Variants in SEC11A observed in about 807,000 individuals in gnomAD.
SEC11A encodes SEC11 homolog A, signal peptidase complex subunit, also known as signal peptidase complex catalytic subunit SEC11A.
A neutral mutation model predicts 25.6 loss-of-function variants in SEC11A; 14 were observed. The ratio of observed to expected loss-of-function variants is 0.55; its 90% CI spans 0.36 to 0.85. The LOEUF is 0.85. SEC11A is among the 40% of genes least tolerant of loss of function. SEC11A has a pLI of 0.01. For synonymous variants in SEC11A, 83 were observed against 76.4 expected (o/e 1.09, Z -0.45); for missense variants, 153 against 222.9 (o/e 0.69, Z 2.00).
At chr15:84,692,964 G>A (rs1567039651) in intron 1 of SEC11A, among the ~76,000 whole-genome samples, 1 of 152,144 alleles carries the variant, frequency 6.6e-6, no homozygotes, top group Non-Finnish European at 1.5e-5. Context: ...TCCCACTTCA[G>A]CCTCCCGAGT....
chr15:84,705,213 C>T (rs1413705732), intron 1 of SEC11A, among the ~76,000 whole-genome samples: 1 of 152,234 alleles, frequency 6.6e-6, no homozygotes, highest in Non-Finnish European at 1.5e-5. Flanking sequence ...GCCTGAGCCA[C>T]TGAGCCCAGC....
chr15:84,681,651 C>T (rs1319263326), intron 3 of SEC11A, among the ~76,000 whole-genome samples: 1 of 152,020 alleles, frequency 6.6e-6, no homozygotes, highest in African/African-American at 2.4e-5. Flanking sequence ...AACAAAAAAA[C>T]AAGAGAGTAT....
intron 1 of SEC11A, among the ~76,000 whole-genome samples, chr15:84,714,238 T>C (rs1898386361): frequency 6.6e-6 from 1 of 152,074 alleles, no homozygotes; most frequent in South Asian, 2.1e-4. Flanking sequence ...ATGGTCTCAA[T>C]CTCTTGACAT....
At chr15:84,688,266 T>C (rs1050396054) in intron 2 of SEC11A, among the ~76,000 whole-genome samples, 4 of 152,088 alleles carry the variant, frequency 2.6e-5, no homozygotes, top group Admixed American at 6.6e-5. Flanking sequence ...GCTCATCAAG[T>C]CAAGGAACAG....
At chr15:84,676,338 T>C (rs1163242631) in intron 4 of SEC11A, among the ~76,000 whole-genome samples, 1 of 151,892 alleles carries the variant, frequency 6.6e-6, no homozygotes, top group Non-Finnish European at 1.5e-5. Flanking sequence ...TGGTGGCACA[T>C]GCCTGTAATC....
intron 4 of SEC11A, among the ~76,000 whole-genome samples, chr15:84,674,566 A>G (rs539004574): frequency 2.1e-5 from 3 of 143,320 alleles, no homozygotes; most frequent in African/African-American, 7.8e-5. Flanking sequence ...AAAAAAAAAA[A>G]TTTTTTTTTT....
Position 84,687,703 on chromosome 15 carries a change from C to T in SEC11A, c.233G>A (p.Arg78Gln), listed in dbSNP as rs897584597. The T allele has an allele frequency of 1.2e-6, 2 of 1,602,588 alleles. No individual in the cohort carries two copies. Among genetic ancestry groups the T allele is most frequent in the Admixed American group, 1.8e-5 (1 of 56,212 alleles). ...CCTAAAAACAACAATTTCTCCCACT[C>T]GTATGGGATCTTCAACTCGATTTGT... ...FLTNRVEDPI[R>Q]VGEIVVFRIE... Residue 78 changes from arginine to glutamine, a missense_variant, in exon 3 of 6, where the codon CGA (arginine) becomes CAA (glutamine). Coordinates refer to ENST00000268220, the MANE Select transcript of SEC11A (RefSeq NM_014300.4).
At chr15:84,688,237 T>C (rs1169958825) in intron 2 of SEC11A, among the ~76,000 whole-genome samples, 1 of 152,200 alleles carries the variant, frequency 6.6e-6, no homozygotes, top group Non-Finnish European at 1.5e-5. Context: ...TATGTTCAAC[T>C]CATTTAGAAG....
chr15:84,673,684 G>A (rs1421666698), intron 4 of SEC11A: 1 of 152,504 alleles, frequency 6.6e-6, no homozygotes, highest in Non-Finnish European at 1.5e-5. Flanking sequence ...GCTGAGGCGG[G>A]TGGATCATGA....
At chr15:84,695,980 C>G (rs950499736) in intron 1 of SEC11A, among the ~76,000 whole-genome samples, 3 of 152,142 alleles carry the variant, frequency 2.0e-5, no homozygotes, top group Admixed American at 1.3e-4. Flanking sequence ...TAAGTCCACG[C>G]TAATGGCCAG....
In SEC11A at chr15:84,701,935, C is replaced by T. The variant is rs180750858; in HGVS notation, c.52-10291G>A. 3.0e-4 allele frequency among the ~76,000 whole-genome samples: 46 copies of T among 151,600 alleles called. 1 individual carries two copies. Among genetic ancestry groups the T allele is most frequent in the Non-Finnish European group, 2.1e-4 (14 of 67,892 alleles). ...TACACAAATTAGCTGGGTGTGGTGG[C>T]GTGCGGCTGTAGTCCCAGCTACTTG... On this transcript the variant is annotated intron_variant, in intron 1 of 5. Transcript: ENST00000268220.
intron 4 of SEC11A, among the ~76,000 whole-genome samples, chr15:84,676,888 C>A (rs184270902): frequency 2.6e-5 from 4 of 151,576 alleles, no homozygotes; most frequent in African/African-American, 9.7e-5. Context: ...CCCAGGAGTT[C>A]AAGACCAGCC....
chr15:84,703,670 T>A (rs1898013588), intron 1 of SEC11A, among the ~76,000 whole-genome samples: 1 of 152,204 alleles, frequency 6.6e-6, no homozygotes, highest in Non-Finnish European at 1.5e-5. Context: ...GATGGAGAGA[T>A]GACTACAGAT....
At chr15:84,674,018 C>T (rs1186709955) in intron 4 of SEC11A, among the ~76,000 whole-genome samples, 1 of 152,078 alleles carries the variant, frequency 6.6e-6, no homozygotes, top group Non-Finnish European at 1.5e-5. Flanking sequence ...AATAACGCTC[C>T]TGTACATCAA....
chr15:84,690,554 C>A (rs1272121186), intron 2 of SEC11A, among the ~76,000 whole-genome samples: 3 of 152,054 alleles, frequency 2.0e-5, no homozygotes, highest in African/African-American at 4.8e-5. Context: ...TAGGTGGAGT[C>A]TGCAGTGAGT....
At chr15:84,687,405 G>C (rs1897459952) in intron 3 of SEC11A, among the ~76,000 whole-genome samples, 1 of 152,152 alleles carries the variant, frequency 6.6e-6, no homozygotes, top group African/African-American at 2.4e-5. Context: ...AGGGAACAAA[G>C]AAAAACCTCT....
intron 2 of SEC11A, among the ~76,000 whole-genome samples, chr15:84,688,237 T>A (rs1169958825): frequency 6.6e-6 from 1 of 152,318 alleles, no homozygotes; most frequent in East Asian, 1.9e-4. Flanking sequence ...TATGTTCAAC[T>A]CATTTAGAAG....
Position 84,700,190 on chromosome 15 carries a change from C to T in SEC11A, c.52-8546G>A, listed in dbSNP as rs1339524156. On this transcript the variant is annotated intron_variant, in intron 1 of 5. Coordinates refer to ENST00000268220, the MANE Select transcript of SEC11A (RefSeq NM_014300.4). ...AAAAGGTAAAATTCACAAAGTCTGGCAACCAATAAAAAACTACCAGACATG... is the reference window on the plus strand; with the variant it reads ...AAAAGGTAAAATTCACAAAGTCTGGTAACCAATAAAAAACTACCAGACATG... Among the ~76,000 whole-genome samples the T allele has an allele frequency of 2.0e-5, 3 of 151,856 alleles. 1 individual carries two copies. Among genetic ancestry groups the T allele is most frequent in the African/African-American group, 7.3e-5 (3 of 41,188 alleles).
At chr15:84,703,188 G>A (rs73449400) in intron 1 of SEC11A, among the ~76,000 whole-genome samples, 1,844 of 152,242 alleles carry the variant, frequency 0.012, 36 homozygotes, top group African/African-American at 0.041. Flanking sequence ...CTGAGTTCTT[G>A]TAGAGACTAA....
Sources: gnomAD v4.1 joint callset for allele counts (sites outside exome capture counted in the v4.1 genomes callset) on GRCh38, gnomAD v4.1.1 for gene constraint, MANE v1.5 for transcripts, NCBI Gene and HGNC (gene_info 2026-07-23, HGNC 2026-07-21) for gene names.